CCSER1: variants seen among roughly 807,000 people sequenced by gnomAD.
CCSER1 encodes the protein coiled-coil serine rich protein 1.
In CCSER1, 41 loss-of-function variants were observed where a neutral mutation model predicts 82.0. The ratio of observed to expected loss-of-function variants is 0.50; its 90% CI spans 0.39 to 0.65. The LOEUF (loss-of-function observed/expected upper bound fraction) is 0.65, where lower values mean the gene tolerates loss of function less well. Among genes scored for constraint, CCSER1 ranks in the 30% least tolerant of loss-of-function variants. CCSER1 has a pLI of 0.00. For missense variants in CCSER1, 1,119 were observed against 1,064.2 expected, an observed-to-expected ratio of 1.05 and a Z score of -0.72; for synonymous variants, 414 against 383.9, an observed-to-expected ratio of 1.08 and a Z score of -0.92.
chr4:90,955,879 T>C (rs746907845), intron 9 of CCSER1, among the ~76,000 whole-genome samples: 3 of 152,130 alleles, frequency 2.0e-5, no homozygotes, highest in Non-Finnish European at 4.4e-5. Context: ...GACTATTCCT[T>C]ACCATTCAAT....
chr4:90,241,959 A>G (rs889772658), intron 1 of CCSER1, among the ~76,000 whole-genome samples: 2 of 152,186 alleles, frequency 1.3e-5, no homozygotes, highest in African/African-American at 4.8e-5. Flanking sequence ...AGTTAAATCT[A>G]CTAACCCTGA....
intron 5 of CCSER1, among the ~76,000 whole-genome samples, chr4:90,564,998 T>G (rs1779200176): frequency 6.6e-6 from 1 of 151,998 alleles, no homozygotes; most frequent in Non-Finnish European, 1.5e-5. Context: ...ATTGCTTTGG[T>G]GATTTGGGGT....
At chr4:91,032,393 A>G (rs1741058718) in intron 9 of CCSER1, among the ~76,000 whole-genome samples, 1 of 152,314 alleles carries the variant, frequency 6.6e-6, no homozygotes, top group African/African-American at 2.4e-5. Context: ...TAGGAAAACT[A>G]AGTGAAAACT....
At chr4:91,091,252 C>T (rs184415663) in intron 10 of CCSER1, among the ~76,000 whole-genome samples, 33 of 152,226 alleles carry the variant, frequency 2.2e-4, no homozygotes, top group African/African-American at 7.5e-4. Flanking sequence ...ATTTATGAGT[C>T]CTCACTAGTC....
intron 8 of CCSER1, among the ~76,000 whole-genome samples, chr4:90,833,241 G>C (rs1033412298): frequency 1.3e-5 from 2 of 152,194 alleles, no homozygotes; most frequent in Admixed American, 6.5e-5. Context: ...AAAGGACGAA[G>C]AGGGGCCTAA....
chr4:90,505,120 A>G (rs1486702296), intron 5 of CCSER1, among the ~76,000 whole-genome samples: 1 of 152,250 alleles, frequency 6.6e-6, no homozygotes, highest in Non-Finnish European at 1.5e-5. Flanking sequence ...TACAAACACG[A>G]TAATGAAATA....
intron 10 of CCSER1, among the ~76,000 whole-genome samples, chr4:91,452,977 C>A (rs1378167534): frequency 1.3e-5 from 2 of 152,020 alleles, no homozygotes; most frequent in East Asian, 3.9e-4. Context: ...ATCAAGTATA[C>A]TCTATATTTT....
chr4:90,212,056 T>G (rs551014603), intron 1 of CCSER1, among the ~76,000 whole-genome samples: 1 of 152,288 alleles, frequency 6.6e-6, no homozygotes, highest in Middle Eastern at 3.4e-3. Context: ...GTAGAAAAAT[T>G]TCAAGATGTA....
intron 9 of CCSER1, among the ~76,000 whole-genome samples, chr4:90,938,002 T>C (rs1731164359): frequency 6.6e-6 from 1 of 152,114 alleles, no homozygotes; most frequent in South Asian, 2.1e-4. Flanking sequence ...CTAACTAAAC[T>C]TTTACATTCC....
At chr4:90,387,689 T>TTAA (rs1750274148) in intron 3 of CCSER1, among the ~76,000 whole-genome samples, 2 of 152,176 alleles carry the variant, frequency 1.3e-5, no homozygotes, top group African/African-American at 4.8e-5. Flanking sequence ...CTCTGGACAT[T>TTAA]ATAGCTCAGG....
chr4:90,170,614 A>G lies in CCSER1; in HGVS notation c.-42+42783A>G, dbSNP rs193126655. 2.1e-3 allele frequency among the ~76,000 whole-genome samples: 321 copies of G among 151,938 alleles called. 7 individuals are homozygous for G. Among genetic ancestry groups the G allele is most frequent in the Non-Finnish European group, 2.7e-3 (181 of 67,862 alleles). On this transcript the variant is annotated intron_variant, in intron 1 of 10. Coordinates refer to ENST00000509176, the MANE Select transcript of CCSER1 (RefSeq NM_001145065.2). Reference sequence around the variant, plus strand: ...TTAGCACCCACAAATAGATGAGAACATATGCAATTTATCTTTCTGTGCCTG... The same window carrying G: ...TTAGCACCCACAAATAGATGAGAACGTATGCAATTTATCTTTCTGTGCCTG...
intron 10 of CCSER1, among the ~76,000 whole-genome samples, chr4:91,228,049 A>G (rs1738344358): frequency 6.6e-6 from 1 of 151,720 alleles, no homozygotes; most frequent in Non-Finnish European, 1.5e-5. Context: ...TGCTTTAACC[A>G]CTCTTGTACT....
At chr4:90,880,859 G>T (rs1410856443) in intron 8 of CCSER1, among the ~76,000 whole-genome samples, 1 of 151,944 alleles carries the variant, frequency 6.6e-6, no homozygotes, top group African/African-American at 2.4e-5. Context: ...ATGCCTGCGT[G>T]GGCCGTCATC....
At chr4:90,181,046 A>G (rs1733646201) in intron 1 of CCSER1, among the ~76,000 whole-genome samples, 1 of 152,238 alleles carries the variant, frequency 6.6e-6, no homozygotes, top group South Asian at 2.1e-4. Context: ...AGGTCAAATG[A>G]GCTGATACAT....
intron 10 of CCSER1, among the ~76,000 whole-genome samples, chr4:91,367,018 G>A (rs1749659519): frequency 6.6e-6 from 1 of 151,088 alleles, no homozygotes; most frequent in Non-Finnish European, 1.5e-5. Context: ...TAAGAGCTGA[G>A]CACAGTGGCT....
At chr4:91,577,827 CTT>C (rs147674855) in intron 10 of CCSER1, among the ~76,000 whole-genome samples, 10,411 of 151,880 alleles carry the variant, frequency 0.069, 385 homozygotes, top group Middle Eastern at 0.099. Context: ...TATTTTATCT[CTT>C]ATTATGTGCA....
chr4:90,929,052 T>C (rs1561377789), intron 9 of CCSER1, among the ~76,000 whole-genome samples: 1 of 152,248 alleles, frequency 6.6e-6, no homozygotes, highest in East Asian at 1.9e-4. Context: ...TTTCTGTTTG[T>C]TGCTTGCATT....
intron 7 of CCSER1, among the ~76,000 whole-genome samples, chr4:90,744,277 G>A (rs956449369): frequency 6.6e-6 from 1 of 152,106 alleles, no homozygotes; most frequent in Non-Finnish European, 1.5e-5. Context: ...TTGCCTGTAT[G>A]ATGAGGAAAA....
At chr4:91,192,587 T>G (rs749687704) in intron 10 of CCSER1, among the ~76,000 whole-genome samples, 2 of 152,100 alleles carry the variant, frequency 1.3e-5, no homozygotes, top group Non-Finnish European at 2.9e-5. Flanking sequence ...CAAAACTTGT[T>G]TCTGTCTCTG....
Sources: allele counts gnomAD v4.1 joint callset (sites outside exome capture counted in the v4.1 genomes callset), GRCh38; gene constraint gnomAD v4.1.1; transcripts MANE v1.5; gene names NCBI Gene and HGNC (gene_info 2026-07-23, HGNC 2026-07-21).